MYO18A: variants seen among roughly 807,000 people sequenced by gnomAD.
The protein encoded by MYO18A is myosin XVIIIA.
MYO18A carries 78 observed loss-of-function variants against 235.8 expected under a neutral mutation model. The observed-to-expected ratio is 0.33, with a 90% CI of 0.28 to 0.40. MYO18A has a LOEUF of 0.40. Among genes scored for constraint, MYO18A ranks in the 10% least tolerant of loss-of-function variants. The probability of loss-of-function intolerance (pLI) is 1.00; values close to 1 mark genes in which losing one functional copy is unlikely to be tolerated. For missense variants in MYO18A, 2,215 were observed against 2,699.3 expected (o/e 0.82, Z 3.98); for synonymous variants, 977 against 1,077.8 (o/e 0.91, Z 1.83).
intron 2 of MYO18A, among the ~76,000 whole-genome samples, chr17:29,141,011 A>G: frequency 6.6e-6 from 1 of 152,232 alleles, no homozygotes; most frequent in Admixed American, 6.5e-5. Context: ...GTCTGGCAGG[A>G]GCAGAGACCC....
In MYO18A at chr17:29,121,521, G is replaced by A. The variant is rs79106175; in HGVS notation, c.1371+26C>T. 6.0e-4 allele frequency: 945 copies of A among 1,576,736 alleles called. 3 individuals are homozygous for A. The highest frequency in any genetic ancestry group is 5.6e-3 in the East Asian group (246 of 43,778). ...GGGCAGGGGGTGGGACCAGGAGTCT[G>A]CAGGGTAGCCTTGAGGGTGCTGCAC... is the stretch of plus-strand genomic sequence containing the variant. On this transcript the variant is annotated intron_variant, in intron 5 of 41. Coordinates refer to ENST00000527372, the MANE Select transcript of MYO18A (RefSeq NM_078471.4). The surrounding 1 kb of genome is among the most constrained non-coding windows in gnomAD (Gnocchi z 4.2).
chr17:29,085,064 T>C (rs1375174886), intron 40 of MYO18A, among the ~76,000 whole-genome samples: 1 of 152,224 alleles, frequency 6.6e-6, no homozygotes, highest in Non-Finnish European at 1.5e-5. Context: ...AAGCAGCCCA[T>C]GATTAGCTGC....
chr17:29,080,807 C>T, intron 41 of MYO18A: 1 of 985,470 alleles, frequency 1.0e-6, no homozygotes, highest in Non-Finnish European at 1.2e-6. Flanking sequence ...GGGCATGGCT[C>T]CTCCCTGGGG....
At chr17:29,139,050 A>G (rs913607268) in intron 2 of MYO18A, among the ~76,000 whole-genome samples, 29 of 152,200 alleles carry the variant, frequency 1.9e-4, no homozygotes, top group African/African-American at 6.5e-4. Flanking sequence ...TGAGCTTGGC[A>G]GGGACAACCT....
intron 2 of MYO18A, among the ~76,000 whole-genome samples, chr17:29,151,323 G>A (rs1298524912): frequency 1.3e-5 from 2 of 152,196 alleles, no homozygotes; most frequent in African/African-American, 4.8e-5. Context: ...CTACTAAGTT[G>A]GATAGCATTA....
intron 28 of MYO18A, 91 bp from the exon 29 acceptor site, chr17:29,095,150 C>G: frequency 6.9e-7 from 1 of 1,448,060 alleles, no homozygotes; most frequent in South Asian, 1.5e-5. Context: ...GGACAGGACT[C>G]AAGCAGGGGT....
chr17:29,128,082 C>T (rs1011857947), intron 2 of MYO18A: 13 of 1,028,286 alleles, frequency 1.3e-5, no homozygotes, highest in Middle Eastern at 4.8e-4. Flanking sequence ...GACTGCTTGC[C>T]GCGGGCCTTG....
chr17:29,119,098 A>G (rs1471569868), intron 8 of MYO18A, among the ~76,000 whole-genome samples: 1 of 152,114 alleles, frequency 6.6e-6, no homozygotes, highest in Admixed American at 6.5e-5. Context: ...GTTCCCCTCC[A>G]ATACAGCCAG....
At chr17:29,108,360 G>T (rs979761372) in intron 19 of MYO18A, among the ~76,000 whole-genome samples, 1 of 152,184 alleles carries the variant, frequency 6.6e-6, no homozygotes, top group Non-Finnish European at 1.5e-5. Context: ...GCAGTGGCTA[G>T]CAGGAAGTGA....
Position 29,087,024 on chromosome 17 carries a change from C to T in MYO18A, c.5624G>A (p.Arg1875Gln), listed in dbSNP as rs376740232. ...AENREKEQNK[R>Q]LQRQLRDTKE... ...GGTGTCCCGGAGCTGCCTCTGTAGC[C>T]GCTTGTTCTGTTCCTTCTCCCGGTT... The change falls in exon 38 of 42, where the codon CGG (arginine) becomes CAG (glutamine). Residue 1875 changes from arginine to glutamine, a missense_variant. Coordinates refer to ENST00000527372, the MANE Select transcript of MYO18A (RefSeq NM_078471.4). 1.9e-5 allele frequency: 31 copies of T among 1,613,920 alleles called. No individual in the cohort carries two copies. The highest frequency in any genetic ancestry group is 1.6e-4 in the Middle Eastern group (1 of 6,084).
At position 29,111,997 on chromosome 17, in the gene MYO18A, C is replaced by A; in HGVS notation, c.2599-134G>T. On this transcript the variant is annotated intron_variant, in intron 15 of 41. Coordinates refer to ENST00000527372, the MANE Select transcript of MYO18A (RefSeq NM_078471.4). This position sits in a 1 kb window ranked among gnomAD's most constrained non-coding sequence, Gnocchi z 5.1. ...TGCACACACGCACATGCCGCAGCTC[C>A]TGCCGCTCACTGCTGACACCTTGTG... 1 of 1,131,492 alleles carries A rather than the reference C, an allele frequency of 8.8e-7. No individual in the cohort carries two copies. Among genetic ancestry groups the A allele is most frequent in the Non-Finnish European group, 1.2e-6 (1 of 812,028 alleles). 70.1% of individuals were successfully genotyped at this position (1,131,492 alleles called of 1,614,324 possible). A position where few individuals can be genotyped will look rare whatever the true frequency, so the allele number is the denominator to read the frequency against.
intron 2 of MYO18A, among the ~76,000 whole-genome samples, chr17:29,135,286 T>C (rs1255496243): frequency 6.6e-6 from 1 of 152,022 alleles, no homozygotes; most frequent in African/African-American, 2.4e-5. Flanking sequence ...ATTTTTTTAG[T>C]AGAGGCAGGG....
rs2067999114 is a variant in MYO18A, at chr17:29,153,452, A to G, written c.999+12490T>C. ...ACAACCACACTGGACTAAAACTACT[A>G]TGATTATTCTCATTTCATAGATGAC... is the stretch of plus-strand genomic sequence containing the variant. On this transcript the variant is annotated intron_variant, in intron 2 of 41. Coordinates refer to ENST00000527372, the MANE Select transcript of MYO18A (RefSeq NM_078471.4). Among the ~76,000 whole-genome samples the G allele has an allele frequency of 2.6e-5, 4 of 152,186 alleles. No individual in the cohort carries two copies. The South Asian group carries it at 8.3e-4, about 31-fold the overall frequency.
At chr17:29,115,182 A>G in intron 13 of MYO18A, 83 bp from the exon 14 acceptor site, 3 of 1,479,296 alleles carry the variant, frequency 2.0e-6, no homozygotes, top group East Asian at 2.4e-5. Context: ...CCAGACCTCT[A>G]TCCCTGCCCA....
At chr17:29,129,636 T>C (rs74653307) in intron 2 of MYO18A, among the ~76,000 whole-genome samples, 2 of 152,160 alleles carry the variant, frequency 1.3e-5, no homozygotes, top group East Asian at 3.9e-4. Flanking sequence ...ATGATCTTGG[T>C]TCTAGAACAC....
At chr17:29,107,405 G>T in intron 19 of MYO18A, 1 of 536,088 alleles carries the variant, frequency 1.9e-6, no homozygotes, top group Non-Finnish European at 3.4e-6. Context: ...GCTCCACAGG[G>T]GGATAGGAAG....
chr17:29,098,735 T>TGGACTAAA, intron 23 of MYO18A, 91 bp downstream of exon 23: 1 of 1,510,112 alleles, frequency 6.6e-7, no homozygotes, highest in East Asian at 2.4e-5. Context: ...GACAGCTCTC[T>TGGACTAAA]GGACTAAACG....
At chr17:29,115,530 C>T (rs2067038093) in intron 12 of MYO18A, 89 bp from the exon 13 acceptor site, 22 of 1,506,478 alleles carry the variant, frequency 1.5e-5, no homozygotes, top group Admixed American at 1.0e-4. Context: ...CCAGTCAGCA[C>T]GGGGCCTGGG....
At position 29,121,480 on chromosome 17, in the gene MYO18A, G is replaced by A. The variant is rs2067197911; in HGVS notation, c.1371+67C>T. The A allele has an allele frequency of 1.4e-6, 2 of 1,473,158 alleles. No individual in the cohort carries two copies. Among genetic ancestry groups the A allele is most frequent in the Non-Finnish European group, 1.8e-6 (2 of 1,099,502 alleles). The allele number at this position is 1,473,158 out of a possible 1,614,324, so 91.3% of individuals were successfully genotyped here. A position where few individuals can be genotyped will look rare whatever the true frequency, so the allele number is the denominator to read the frequency against. On this transcript the variant is annotated intron_variant, in intron 5 of 41. Coordinates refer to ENST00000527372, the MANE Select transcript of MYO18A (RefSeq NM_078471.4). The surrounding 1 kb of genome is among the most constrained non-coding windows in gnomAD (Gnocchi z 4.2). The stretch of plus-strand genomic sequence containing the variant: ...AGGAGCCCAGTGGGGTGCCACAGGG[G>A]AAGGGCAGAGAGCCAGGGCAGGGGG...
Sources: gnomAD v4.1 joint callset for allele counts (sites outside exome capture counted in the v4.1 genomes callset) on GRCh38, gnomAD v4.1.1 for gene constraint, Gnocchi (gnomAD v3.1) non-coding constraint, MANE v1.5 for transcripts, NCBI Gene and HGNC (gene_info 2026-07-23, HGNC 2026-07-21) for gene names.